The following LRRC4C variants were observed in gnomAD, a reference collection of about 807,000 sequenced individuals.
LRRC4C encodes the protein leucine-rich repeat-containing protein 4C.
Under a neutral mutation model 33.6 loss-of-function variants are expected in LRRC4C, and 5 were observed. That is an observed-to-expected ratio of 0.15 (90% CI 0.08 to 0.31). LRRC4C has a LOEUF of 0.31. Among genes scored for constraint, LRRC4C ranks in the 10% least tolerant of loss-of-function variants. LRRC4C has a pLI of 1.00. For missense variants in LRRC4C, 560 were observed against 796.7 expected (o/e 0.70, Z 3.58); for synonymous variants, 329 against 302.0 (o/e 1.09, Z -0.93).
chr11:41,401,805 A>G (rs1001723569), intron 1 of LRRC4C, among the ~76,000 whole-genome samples: 1 of 151,856 alleles, frequency 6.6e-6, no homozygotes, highest in Non-Finnish European at 1.5e-5. Context: ...TGAGTTATGC[A>G]TGGTTGAGAA....
At chr11:40,171,176 G>T (rs1860015617) in intron 5 of LRRC4C, among the ~76,000 whole-genome samples, 1 of 152,116 alleles carries the variant, frequency 6.6e-6, no homozygotes. Context: ...TTCAAGGATT[G>T]CTTTAGGAAT....
intron 2 of LRRC4C, among the ~76,000 whole-genome samples, chr11:40,898,286 G>A (rs1182300705): frequency 6.8e-6 from 1 of 147,804 alleles, no homozygotes; most frequent in African/African-American, 2.5e-5. Context: ...CCCGGGAGGC[G>A]GAGGTTGTGG....
intron 1 of LRRC4C, among the ~76,000 whole-genome samples, chr11:41,294,818 C>T (rs966008483): frequency 6.6e-6 from 1 of 152,110 alleles, no homozygotes; most frequent in African/African-American, 2.4e-5. Context: ...ATAATGCACA[C>T]TGTCTATAAA....
At chr11:40,365,619 G>T (rs1242627949) in intron 3 of LRRC4C, among the ~76,000 whole-genome samples, 2 of 151,428 alleles carry the variant, frequency 1.3e-5, no homozygotes, top group African/African-American at 2.4e-5. Context: ...AAGAGGTGAG[G>T]GCTAAACATT....
intron 2 of LRRC4C, among the ~76,000 whole-genome samples, chr11:40,659,276 C>A (rs1943297127): frequency 6.6e-6 from 1 of 152,188 alleles, no homozygotes; most frequent in Non-Finnish European, 1.5e-5. Context: ...ACTTTGGGCC[C>A]TGATGAGGGC....
At chr11:40,356,956 T>C (rs565271556) in intron 3 of LRRC4C, among the ~76,000 whole-genome samples, 39 of 152,268 alleles carry the variant, frequency 2.6e-4, no homozygotes, top group African/African-American at 7.9e-4. Context: ...AGCTCAACCA[T>C]ATTAAGTAAC....
At chr11:40,166,191 G>A (rs1412059805) in intron 5 of LRRC4C, among the ~76,000 whole-genome samples, 1 of 152,104 alleles carries the variant, frequency 6.6e-6, no homozygotes, top group Non-Finnish European at 1.5e-5. Flanking sequence ...ACTGAAATGA[G>A]AACTAGCCTA....
At chr11:40,465,924 G>C (rs1022297592) in intron 3 of LRRC4C, among the ~76,000 whole-genome samples, 4 of 151,946 alleles carry the variant, frequency 2.6e-5, no homozygotes, top group Non-Finnish European at 4.4e-5. Context: ...CCGCTATTGG[G>C]TATCTACCCA....
intron 2 of LRRC4C, among the ~76,000 whole-genome samples, chr11:40,870,231 A>G (rs561930572): frequency 6.6e-6 from 1 of 152,168 alleles, no homozygotes; most frequent in African/African-American, 2.4e-5. Context: ...GTTTTCAAAA[A>G]AATTCCAATT....
At chr11:41,015,254 C>T (rs1855496673) in intron 1 of LRRC4C, among the ~76,000 whole-genome samples, 1 of 152,074 alleles carries the variant, frequency 6.6e-6, no homozygotes, top group South Asian at 2.1e-4. Flanking sequence ...CTGTCAATAA[C>T]AAAGATGTAA....
intron 3 of LRRC4C, among the ~76,000 whole-genome samples, chr11:40,445,004 T>C (rs1017814968): frequency 6.6e-6 from 1 of 152,226 alleles, no homozygotes; most frequent in Non-Finnish European, 1.5e-5. Flanking sequence ...TTACCACTAG[T>C]GGCTCCCAAG....
chr11:41,195,856 T>A (rs1946157260), intron 1 of LRRC4C, among the ~76,000 whole-genome samples: 1 of 152,200 alleles, frequency 6.6e-6, no homozygotes, highest in Admixed American at 6.5e-5. Flanking sequence ...CAAGGTCTCA[T>A]TTGCAGATGC....
At position 40,189,926 on chromosome 11, in the gene LRRC4C, T is replaced by G. The variant is rs72889327; in HGVS notation, c.-95-49073A>C. ...TATAACAACTAGCCTTTGTTCTACCTGGGAACTGCCTATAGTTACTCAATA... is the reference window on the plus strand; with the variant it reads ...TATAACAACTAGCCTTTGTTCTACCGGGGAACTGCCTATAGTTACTCAATA... On this transcript the variant is annotated intron_variant, in intron 5 of 6. Transcript: ENST00000528697. 4.5e-3 allele frequency among the ~76,000 whole-genome samples: 689 copies of G among 152,324 alleles called. 2 individuals carry two copies. Among genetic ancestry groups the G allele is most frequent in the Non-Finnish European group, 7.6e-3 (514 of 68,032 alleles).
At chr11:41,035,548 A>G (rs1218659623) in intron 1 of LRRC4C, among the ~76,000 whole-genome samples, 1 of 152,132 alleles carries the variant, frequency 6.6e-6, no homozygotes, top group African/African-American at 2.4e-5. Flanking sequence ...TGTCCCTGAA[A>G]AGGACATGAT....
rs185235220 is a variant in LRRC4C, at chr11:40,685,453, T to C, written c.-406-37175A>G. Among the ~76,000 whole-genome samples the C allele has an allele frequency of 4.6e-5, 7 of 152,008 alleles. No individual in the cohort carries two copies. The East Asian group carries it at 1.4e-3, about 29-fold the overall frequency. ...TGATAATCAGAAATTATAAACAAGA[T>C]TTAAGGTGGGCAAGCTGAATAGATC... On this transcript the variant is annotated intron_variant, in intron 2 of 6. Coordinates refer to ENST00000528697, the MANE Select transcript of LRRC4C (RefSeq NM_001258419.2).
intron 3 of LRRC4C, among the ~76,000 whole-genome samples, chr11:40,496,457 G>A (rs1037301956): frequency 6.6e-6 from 1 of 152,102 alleles, no homozygotes; most frequent in African/African-American, 2.4e-5. Flanking sequence ...ATAGTTACAT[G>A]AAGAGATATA....
chr11:40,206,336 G>A (rs552524163), intron 5 of LRRC4C, among the ~76,000 whole-genome samples: 1 of 152,010 alleles, frequency 6.6e-6, no homozygotes, highest in African/African-American at 2.4e-5. Context: ...CCCAGGTTCC[G>A]GCAATTCTCC....
chr11:41,045,126 A>C (rs977891864), intron 1 of LRRC4C, among the ~76,000 whole-genome samples: 1 of 151,962 alleles, frequency 6.6e-6, no homozygotes, highest in Middle Eastern at 3.2e-3. Context: ...ATATACGTTG[A>C]TGTCATTTAA....
At chr11:40,379,816 G>T (rs1948794421) in intron 3 of LRRC4C, among the ~76,000 whole-genome samples, 1 of 152,122 alleles carries the variant, frequency 6.6e-6, no homozygotes, top group African/African-American at 2.4e-5. Context: ...TGCTCAAATT[G>T]TGGTTGTGGG....
Sources: allele counts gnomAD v4.1 joint callset (sites outside exome capture counted in the v4.1 genomes callset), GRCh38; gene constraint gnomAD v4.1.1; transcripts MANE v1.5; gene names NCBI Gene and HGNC (gene_info 2026-07-23, HGNC 2026-07-21).